Variants in RPS15 observed in about 807,000 individuals in gnomAD.
The protein encoded by RPS15 is small ribosomal subunit protein uS19.
RPS15 carries 5 observed loss-of-function variants against 14.9 expected under a neutral mutation model. That is an observed-to-expected ratio of 0.34 (90% confidence interval 0.18 to 0.70). RPS15 has a LOEUF of 0.70. RPS15 is among the 30% of genes least tolerant of loss of function. The pLI is 0.65. For missense variants in RPS15, 102 were observed against 204.2 expected (o/e 0.50, Z 3.05); for synonymous variants, 103 against 85.0 (o/e 1.21, Z -1.16).
chr19:1,438,401 C>T lies in RPS15; in HGVS notation c.-25C>T, dbSNP rs780290556. 16 of 1,613,360 alleles carry T rather than the reference C, an allele frequency of 9.9e-6. No homozygotes were observed. Among genetic ancestry groups the T allele is most frequent in the Middle Eastern group, 1.6e-4 (1 of 6,062 alleles). On this transcript the variant is annotated 5_prime_UTR_variant, in exon 1 of 4. Coordinates refer to ENST00000592588, the MANE Select transcript of RPS15 (RefSeq NM_001018.5). This position sits in a 1 kb window ranked among gnomAD's most constrained non-coding sequence, Gnocchi z 4.8. ...ATAACTGCGCAGGCGCGGACCAAAG[C>T]GATCTCTTCTGAGGATCCGGCAAGA...
In RPS15 at chr19:1,438,422, C is replaced by A; in HGVS notation, c.-4C>A. 1 of 1,613,460 alleles carries A rather than the reference C, an allele frequency of 6.2e-7. No homozygotes were observed. Among genetic ancestry groups the A allele is most frequent in the Non-Finnish European group, 8.5e-7 (1 of 1,179,896 alleles). ...AAAGCGATCTCTTCTGAGGATCCGG[C>A]AAGATGGTGAGTGTTGCGATTTGGC... On this transcript the variant is annotated 5_prime_UTR_variant, in exon 1 of 4. Transcript: ENST00000592588. The surrounding 1 kb of genome is among the most constrained non-coding windows in gnomAD (Gnocchi z 4.8).
intron 2 of RPS15, chr19:1,439,746 A>C (rs1683825215): frequency 3.3e-6 from 2 of 607,984 alleles, no homozygotes; most frequent in African/African-American, 3.7e-5. Flanking sequence ...ACGCTGCAGC[A>C]CCTTGTCTGA....
chr19:1,439,679 G>C (rs2083637454), intron 2 of RPS15: 1 of 571,712 alleles, frequency 1.7e-6, no homozygotes, highest in Non-Finnish European at 3.1e-6. Flanking sequence ...ACAGGCGGGA[G>C]CCACTGCGCC....
chr19:1,440,252 A>G lies in RPS15; in HGVS notation c.323A>G (p.Lys108Arg). ...NGKTFNQVEI[K>R]PEMIGHYLGE... ...AAGACCTTCAACCAGGTGGAGATCAAGGTGTGTGCGGCCGTCCCTGCCGGC... is the reference window on the plus strand; with the variant it reads ...AAGACCTTCAACCAGGTGGAGATCAGGGTGTGTGCGGCCGTCCCTGCCGGC... The change falls in exon 3 of 4, where the codon AAG becomes AGG. Residue 108 changes from lysine to arginine, a missense_variant and splice_region_variant. Lys to Arg is a conservative substitution (Grantham distance 26). Coordinates refer to ENST00000592588, the MANE Select transcript of RPS15 (RefSeq NM_001018.5). 6.2e-7 allele frequency: 1 copy of G among 1,611,522 alleles called. No individual in the cohort carries two copies.
chr19:1,439,091 C>T (rs2083632533), intron 2 of RPS15, 199 bp downstream of exon 2: 2 of 555,488 alleles, frequency 3.6e-6, no homozygotes, highest in South Asian at 2.2e-5. Context: ...TGCAACCTGC[C>T]CCCCGTTGTT....
intron 2 of RPS15, 200 bp downstream of exon 2, chr19:1,439,092 C>G: frequency 1.8e-6 from 1 of 554,184 alleles, no homozygotes; most frequent in Non-Finnish European, 3.2e-6. Context: ...GCAACCTGCC[C>G]CCCGTTGTTC....
intron 2 of RPS15, 118 bp from the exon 3 acceptor site, chr19:1,439,901 C>T: frequency 1.2e-6 from 1 of 834,438 alleles, no homozygotes; most frequent in Non-Finnish European, 2.0e-6. Flanking sequence ...TGGACAGTGA[C>T]AGGTCCACTG....
chr19:1,440,177 T>A lies in RPS15; in HGVS notation c.248T>A (p.Met83Lys). The change falls in exon 3 of 4, where the codon ATG becomes AAG. Residue 83 changes from methionine to lysine, a missense_variant. Around this residue, in one of 2 missense-constraint regions of RPS15, gnomAD observed 32 missense variants for 107.4 expected, o/e 0.30. Transcript: ENST00000592588. ...PEVVKTHLRD[M>K]IILPEMVGSM... ...GTGGTGAAGACGCACCTGCGGGACA[T>A]GATCATCCTACCCGAGATGGTGGGC... is the stretch of plus-strand genomic sequence containing the variant. 6.2e-7 allele frequency: 1 copy of A among 1,612,782 alleles called. No homozygotes were observed. The highest frequency in any genetic ancestry group is 8.5e-7 in the Non-Finnish European group (1 of 1,179,640).
chr19:1,439,955 C>T lies in RPS15; in HGVS notation c.90-64C>T, dbSNP rs966164940. 10 of 1,325,006 alleles carry T rather than the reference C, an allele frequency of 7.5e-6. No homozygotes were observed. The African/African-American group carries it at 1.5e-4, about 19-fold the overall frequency. The allele number at this position is 1,325,006 out of a possible 1,614,324, so 82.1% of individuals were successfully genotyped here. A position where few individuals can be genotyped will look rare whatever the true frequency, so the allele number is the denominator to read the frequency against. On this transcript the variant is annotated intron_variant, in intron 2 of 3. Transcript: ENST00000592588. ...GAACCAAGCCTTAGTTCTCTGTCCGCCGGAGTGCGTAGGGTCTCCCCAGGC... is the reference window on the plus strand; with the variant it reads ...GAACCAAGCCTTAGTTCTCTGTCCGTCGGAGTGCGTAGGGTCTCCCCAGGC...
Position 1,438,722 on chromosome 19 carries a change from CG to C in RPS15, c.4-84del, listed in dbSNP as rs2083628762. 1 of 1,535,850 alleles carries C rather than the reference CG, an allele frequency of 6.5e-7. No homozygotes were observed. Among genetic ancestry groups the C allele is most frequent in the African/African-American group, 1.4e-5 (1 of 72,690 alleles). On this transcript the variant is annotated intron_variant, in intron 1 of 3. Coordinates refer to ENST00000592588, the MANE Select transcript of RPS15 (RefSeq NM_001018.5). This position sits in a 1 kb window ranked among gnomAD's most constrained non-coding sequence, Gnocchi z 4.8. ...CGGGCTTCTGTCCCCGGCGGCGCCGCGCGTCTTCCGCGGTGTCCTCGGGCCC... is the reference window on the plus strand; with the variant it reads ...CGGGCTTCTGTCCCCGGCGGCGCCGCCGTCTTCCGCGGTGTCCTCGGGCCC...
rs745478932 is a variant in RPS15 at position 1,438,519 on chromosome 19, G to T, written c.3+91G>T. On this transcript the variant is annotated intron_variant, in intron 1 of 3. Transcript: ENST00000592588. The surrounding 1 kb of genome is among the most constrained non-coding windows in gnomAD (Gnocchi z 4.8). ...CGCGGGGGCCGCAGTTCGTCCCCGC[G>T]GCTACGGCGGCTTGCTCCCGACCCT... 1 of 1,604,924 alleles carries T rather than the reference G, an allele frequency of 6.2e-7. No individual in the cohort carries two copies. The highest frequency in any genetic ancestry group is 8.5e-7 in the Non-Finnish European group (1 of 1,176,094).
Position 1,438,552 on chromosome 19 carries a change from G to T in RPS15, c.3+124G>T, listed in dbSNP as rs1442335934. On this transcript the variant is annotated intron_variant, in intron 1 of 3. Coordinates refer to ENST00000592588, the MANE Select transcript of RPS15 (RefSeq NM_001018.5). The surrounding 1 kb of genome is among the most constrained non-coding windows in gnomAD (Gnocchi z 4.8). ...CGGCTTGCTCCCGACCCTGCAGGCG[G>T]CTGGATGTTGGGGCGAGGGGCGGAC... 2.5e-6 allele frequency: 4 copies of T among 1,580,456 alleles called. No homozygotes were observed. In the Admixed American group the frequency reaches 5.4e-5, roughly 22 times the overall value.
intron 2 of RPS15, chr19:1,439,816 G>A: frequency 3.2e-6 from 2 of 630,714 alleles, no homozygotes; most frequent in South Asian, 1.8e-5. Flanking sequence ...GGTGGCTCTT[G>A]CATGTGAGGG....
intron 2 of RPS15, chr19:1,439,146 C>G: frequency 2.0e-6 from 1 of 498,666 alleles, no homozygotes; most frequent in Non-Finnish European, 3.5e-6. Context: ...CTGTCTGTAG[C>G]CCACGTGACT....
At position 1,438,983 on chromosome 19, in the gene RPS15, C is replaced by A; in HGVS notation, c.89+91C>A. ...CGGCGGGGCGGGGGTCCAAGCGCCTCTGCGGCGGTGGGCGGGCACGGTCTC... is the reference window on the plus strand; with the variant it reads ...CGGCGGGGCGGGGGTCCAAGCGCCTATGCGGCGGTGGGCGGGCACGGTCTC... On this transcript the variant is annotated intron_variant, in intron 2 of 3. Coordinates refer to ENST00000592588, the MANE Select transcript of RPS15 (RefSeq NM_001018.5). The surrounding 1 kb of genome is among the most constrained non-coding windows in gnomAD (Gnocchi z 4.8). The A allele has an allele frequency of 1.0e-6, 1 of 976,646 alleles. No homozygotes were observed. 60.5% of individuals were successfully genotyped at this position (976,646 alleles called of 1,614,324 possible).
At chr19:1,439,293 C>T (rs1261624766) in intron 2 of RPS15, 5 of 194,524 alleles carry the variant, frequency 2.6e-5, no homozygotes, top group Non-Finnish European at 5.2e-5. Flanking sequence ...GGCGGAGTCT[C>T]ATCCTGTCGC....
chr19:1,438,406 T>G lies in RPS15; in HGVS notation c.-20T>G, dbSNP rs759493098. ...TGCGCAGGCGCGGACCAAAGCGATC[T>G]CTTCTGAGGATCCGGCAAGATGGTG... is the stretch of plus-strand genomic sequence containing the variant. On this transcript the variant is annotated 5_prime_UTR_variant, in exon 1 of 4. Transcript: ENST00000592588. The surrounding 1 kb of genome is among the most constrained non-coding windows in gnomAD (Gnocchi z 4.8). 32 of 1,613,296 alleles carry G rather than the reference T, an allele frequency of 2.0e-5. No individual in the cohort carries two copies. The highest frequency in any genetic ancestry group is 1.1e-4 in the South Asian group (10 of 91,082).
Position 1,438,470 on chromosome 19 carries a change from G to A in RPS15, c.3+42G>A, listed in dbSNP as rs770704802. On this transcript the variant is annotated intron_variant, in intron 1 of 3. Transcript: ENST00000592588. This position sits in a 1 kb window ranked among gnomAD's most constrained non-coding sequence, Gnocchi z 4.8. ...GGCGCGTCTCTGCCGGGCCTATCCG[G>A]CTCCATCCAACCTCTGACCGTCTCG... The A allele has an allele frequency of 1.2e-6, 2 of 1,613,190 alleles. No individual in the cohort carries two copies. Among genetic ancestry groups the A allele is most frequent in the Admixed American group, 3.3e-5 (2 of 60,018 alleles).
rs1208228742 is a variant in RPS15 at position 1,438,942 on chromosome 19, C to T, written c.89+50C>T. ...GGCAGGGGCTGGGCCAGCGGTGGGG[C>T]TTGTCCGGGTGAGGGCGGCGGGGCG... On this transcript the variant is annotated intron_variant, in intron 2 of 3. Coordinates refer to ENST00000592588, the MANE Select transcript of RPS15 (RefSeq NM_001018.5). The surrounding 1 kb of genome is among the most constrained non-coding windows in gnomAD (Gnocchi z 4.8). The T allele has an allele frequency of 5.8e-6, 8 of 1,373,628 alleles. 1 individual carries two copies. Among genetic ancestry groups the T allele is most frequent in the East Asian group, 5.5e-5 (2 of 36,072 alleles). 85.1% of individuals were successfully genotyped at this position (1,373,628 alleles called of 1,614,324 possible).
Sources: gnomAD v4.1 joint callset for allele counts on GRCh38, gnomAD v4.1.1 for gene constraint, gnomAD v4.1.1 regional missense constraint, Gnocchi (gnomAD v3.1) non-coding constraint, MANE v1.5 for transcripts, NCBI Gene and HGNC (gene_info 2026-07-23, HGNC 2026-07-21) for gene names.